SYTL3: variants seen among roughly 807,000 people sequenced by gnomAD.
SYTL3 encodes synaptotagmin-like protein 3.
SYTL3 carries 88 observed loss-of-function variants against 82.1 expected under a neutral mutation model. The ratio of observed to expected loss-of-function variants is 1.07; its 90% CI spans 0.90 to 1.28. SYTL3 has a LOEUF of 1.28. SYTL3 is among the 50% of genes most tolerant of loss of function. The pLI is 0.00. For missense variants in SYTL3, 831 were observed against 757.6 expected (o/e 1.10, Z -1.14); for synonymous variants, 311 against 289.4 (o/e 1.07, Z -0.76).
chr6:158,700,606 T>TTGTATGTATGTA (rs372578210), intron 6 of SYTL3, among the ~76,000 whole-genome samples: 184 of 151,944 alleles, frequency 1.2e-3, no homozygotes, highest in Non-Finnish European at 2.0e-3. Context: ...GCTACTGATG[T>TTGTATGTATGTA]TGTATGTATG....
rs184965158 is a variant in SYTL3, at chr6:158,705,572, G to C, written c.395-1658G>C. Reference sequence around the variant, plus strand: ...AAGGTCACATAGAGCAGCGGGGGGGGACCTGGGGGCAGGGTAACAGTGAGA... The same window carrying C: ...AAGGTCACATAGAGCAGCGGGGGGGCACCTGGGGGCAGGGTAACAGTGAGA... On this transcript the variant is annotated intron_variant, in intron 6 of 17. Coordinates refer to ENST00000611299, the MANE Select transcript of SYTL3 (RefSeq NM_001242394.2). 4.0e-5 allele frequency among the ~76,000 whole-genome samples: 6 copies of C among 148,390 alleles called. No homozygotes were observed. In the East Asian group the frequency reaches 1.2e-3, roughly 30 times the overall value.
At chr6:158,647,500 A>C (rs1787556318), upstream of SYTL3, among the ~76,000 whole-genome samples, 1 of 152,334 alleles carries the variant, frequency 6.6e-6, no homozygotes, top group African/African-American at 2.4e-5. Flanking sequence ...TTAAACGGAT[A>C]TATCTGTAAA....
At chr6:158,649,495 T>G (rs1181515675), upstream of SYTL3, among the ~76,000 whole-genome samples, 1 of 152,176 alleles carries the variant, frequency 6.6e-6, no homozygotes, top group Non-Finnish European at 1.5e-5. Flanking sequence ...GTCTTATTGC[T>G]CTCCAGAGCA....
chr6:158,709,460 G>A (rs1165413283), intron 8 of SYTL3, among the ~76,000 whole-genome samples: 1 of 152,112 alleles, frequency 6.6e-6, no homozygotes, highest in Admixed American at 6.6e-5. Context: ...CCATCATCAA[G>A]TCAGAAAATT....
intron 6 of SYTL3, among the ~76,000 whole-genome samples, chr6:158,691,964 CTTAAG>C (rs1286755566): frequency 1.4e-5 from 2 of 146,388 alleles, no homozygotes; most frequent in Non-Finnish European, 3.0e-5. Context: ...ATTAAACTTT[CTTAAG>C]TTAAGAAATA....
At chr6:158,732,574 C>T (rs1025396929) in intron 11 of SYTL3, among the ~76,000 whole-genome samples, 2 of 152,216 alleles carry the variant, frequency 1.3e-5, no homozygotes, top group Non-Finnish European at 2.9e-5. Context: ...CAGACTCTCT[C>T]TGCTATTTCC....
intron 10 of SYTL3, 85 bp from the exon 11 acceptor site, chr6:158,725,418 T>C (rs1160274273): frequency 1.3e-6 from 2 of 1,485,104 alleles, no homozygotes; most frequent in African/African-American, 1.4e-5. Context: ...CATCAAGTCA[T>C]AGATGCTTGC....
chr6:158,684,530 T>C (rs1779085173), intron 6 of SYTL3, among the ~76,000 whole-genome samples: 1 of 152,078 alleles, frequency 6.6e-6, no homozygotes, highest in South Asian at 2.1e-4. Context: ...GGGAACCACA[T>C]CTGACTATAT....
At chr6:158,675,551 C>G (rs113911533) in intron 5 of SYTL3, among the ~76,000 whole-genome samples, 2 of 152,126 alleles carry the variant, frequency 1.3e-5, no homozygotes, top group Admixed American at 1.3e-4. Context: ...CAGTGGCTCA[C>G]GCTTATAATC....
intron 11 of SYTL3, among the ~76,000 whole-genome samples, chr6:158,739,645 G>T (rs973813859): frequency 2.0e-5 from 3 of 151,792 alleles, no homozygotes; most frequent in African/African-American, 4.8e-5. Flanking sequence ...GCCCAGGCTG[G>T]AATGCAGTGG....
intron 8 of SYTL3, 56 bp downstream of exon 8, chr6:158,708,447 G>A: frequency 6.6e-7 from 1 of 1,526,694 alleles, no homozygotes; most frequent in Non-Finnish European, 9.1e-7. Flanking sequence ...AGAAGGAGAG[G>A]AAGCAGGGGA....
intron 6 of SYTL3, among the ~76,000 whole-genome samples, chr6:158,686,089 C>A (rs991270299): frequency 9.2e-5 from 14 of 152,144 alleles, no homozygotes; most frequent in African/African-American, 3.4e-4. Context: ...TGTGCACACA[C>A]GTTACCATCT....
At chr6:158,718,004 T>G in intron 9 of SYTL3, 83 bp from the exon 10 acceptor site, 1 of 1,352,364 alleles carries the variant, frequency 7.4e-7, no homozygotes, top group Non-Finnish European at 9.8e-7. Context: ...TGTCTGTGGG[T>G]TCAGTGAACC....
At chr6:158,665,953 A>G (rs1789999424) in intron 5 of SYTL3, among the ~76,000 whole-genome samples, 1 of 152,148 alleles carries the variant, frequency 6.6e-6, no homozygotes, top group South Asian at 2.1e-4. Flanking sequence ...CTACAAAAAA[A>G]TACAAAAATT....
Position 158,755,247 on chromosome 6 carries a change from G to T in SYTL3, c.1138-1964G>T, listed in dbSNP as rs544845116. On this transcript the variant is annotated intron_variant, in intron 13 of 17. Transcript: ENST00000611299. ...AGTCCCAACTACTTGGGAAGCTGAGGTGGGAGGATCGCTTGAGCCTGGGAG... is the reference window on the plus strand; with the variant it reads ...AGTCCCAACTACTTGGGAAGCTGAGTTGGGAGGATCGCTTGAGCCTGGGAG... 1.2e-4 allele frequency among the ~76,000 whole-genome samples: 19 copies of T among 152,326 alleles called. No individual in the cohort carries two copies. The South Asian group carries it at 3.5e-3, about 28-fold the overall frequency.
chr6:158,758,133 C>T (rs1474348726), intron 14 of SYTL3, among the ~76,000 whole-genome samples: 3 of 152,084 alleles, frequency 2.0e-5, no homozygotes. Flanking sequence ...GGGCTTCTGC[C>T]ATCTCTTTAA....
intron 2 of SYTL3, among the ~76,000 whole-genome samples, chr6:158,657,931 C>T (rs866328784): frequency 2.7e-5 from 4 of 150,288 alleles, no homozygotes; most frequent in African/African-American, 7.4e-5. Context: ...CTTGCTCTGT[C>T]GCCCAGGCTG....
intron 9 of SYTL3, among the ~76,000 whole-genome samples, chr6:158,714,160 T>A (rs7749853): frequency 0.13 from 19,722 of 152,186 alleles, 1,742 homozygotes; most frequent in African/African-American, 0.25. Flanking sequence ...CGAGACCATC[T>A]GGCCAACATG....
At chr6:158,690,114 G>C (rs1212408675) in intron 6 of SYTL3, among the ~76,000 whole-genome samples, 1 of 152,198 alleles carries the variant, frequency 6.6e-6, no homozygotes, top group South Asian at 2.1e-4. Context: ...CCAGCCCTGC[G>C]CTCCAGCGGG....
Sources: gnomAD v4.1 joint callset for allele counts (sites outside exome capture counted in the v4.1 genomes callset) on GRCh38, gnomAD v4.1.1 for gene constraint, MANE v1.5 for transcripts, NCBI Gene and HGNC (gene_info 2026-07-23, HGNC 2026-07-21) for gene names.